Variants in MFHAS1 observed in about 807,000 individuals in gnomAD.
MFHAS1 encodes malignant fibrous histiocytoma-amplified sequence 1.
In MFHAS1, 50 loss-of-function variants were observed where a neutral mutation model predicts 70.4. That is an observed-to-expected ratio of 0.71 (90% CI 0.57 to 0.90). The LOEUF is 0.90. Among genes scored for constraint, MFHAS1 ranks in the 40% least tolerant of loss-of-function variants. The pLI, the probability that MFHAS1 is intolerant of heterozygous loss-of-function variation, is 0.00. For synonymous variants in MFHAS1, 952 were observed against 620.0 expected, an observed-to-expected ratio of 1.54 and a Z score of -7.96; for missense variants, 1,795 against 1,347.6, an observed-to-expected ratio of 1.33 and a Z score of -5.20.
At chr8:8,799,218 A>C (rs1037355379) in intron 1 of MFHAS1, among the ~76,000 whole-genome samples, 1 of 152,182 alleles carries the variant, frequency 6.6e-6, no homozygotes, top group Non-Finnish European at 1.5e-5. Flanking sequence ...ACCTATGATA[A>C]AGTTTAATTT....
At chr8:8,856,612 T>C (rs146479359) in intron 1 of MFHAS1, among the ~76,000 whole-genome samples, 38 of 152,290 alleles carry the variant, frequency 2.5e-4, no homozygotes, top group African/African-American at 8.7e-4. Context: ...CTTAATAGTA[T>C]TTTACTTGCA....
Position 8,783,824 on chromosome 8 carries a change from G to T in MFHAS1, c.*2198C>A, listed in dbSNP as rs999474708. The T allele has an allele frequency of 6.6e-6, 1 of 152,138 alleles. No homozygotes were observed. The highest frequency in any genetic ancestry group is 1.5e-5 in the Non-Finnish European group (1 of 68,028). 9.4% of individuals were successfully genotyped at this position (152,138 alleles called of 1,614,324 possible). ...GCATAGACAGCTGAAGAGTCCTGTA[G>T]AGCAGAGTGATTTTTGTATCTCCAA... is the stretch of plus-strand genomic sequence containing the variant. On this transcript the variant is annotated 3_prime_UTR_variant, in exon 3 of 3. Coordinates refer to ENST00000276282, the MANE Select transcript of MFHAS1 (RefSeq NM_004225.3).
intron 1 of MFHAS1, among the ~76,000 whole-genome samples, chr8:8,858,389 G>A (rs1301464937): frequency 2.0e-5 from 3 of 151,900 alleles, no homozygotes; most frequent in African/African-American, 4.8e-5. Context: ...TCTAATAAAT[G>A]AAAGAAAATT....
chr8:8,799,656 T>C (rs1806019677), intron 1 of MFHAS1, among the ~76,000 whole-genome samples: 1 of 152,176 alleles, frequency 6.6e-6, no homozygotes, highest in Non-Finnish European at 1.5e-5. Flanking sequence ...TTCGGGAGGC[T>C]GAGGCATGAG....
At chr8:8,799,347 A>T (rs1379849890) in intron 1 of MFHAS1, among the ~76,000 whole-genome samples, 1 of 152,216 alleles carries the variant, frequency 6.6e-6, no homozygotes, top group Non-Finnish European at 1.5e-5. Flanking sequence ...CTGCATTCAC[A>T]TGTATTTGGA....
chr8:8,794,536 G>A (rs756997053), intron 2 of MFHAS1, among the ~76,000 whole-genome samples: 17 of 152,260 alleles, frequency 1.1e-4, no homozygotes, highest in South Asian at 6.2e-4. Flanking sequence ...TGGGCAGCTC[G>A]AGCACAGGCT....
chr8:8,873,471 C>T (rs551192715), intron 1 of MFHAS1, among the ~76,000 whole-genome samples: 147 of 110,212 alleles, frequency 1.3e-3, no homozygotes, highest in African/African-American at 4.0e-3. Context: ...GATTTAATTG[C>T]TTACTTTTTT....
At chr8:8,888,498 A>C (rs1809856217) in intron 1 of MFHAS1, among the ~76,000 whole-genome samples, 2 of 150,618 alleles carry the variant, frequency 1.3e-5, no homozygotes, top group East Asian at 3.9e-4. Flanking sequence ...CACCTGCTCC[A>C]CAAAAAAACA....
intron 1 of MFHAS1, among the ~76,000 whole-genome samples, chr8:8,802,094 T>G (rs142876665): frequency 9.8e-5 from 15 of 152,336 alleles, no homozygotes; most frequent in Non-Finnish European, 1.8e-4. Flanking sequence ...GCAACTGACA[T>G]TGAGCGAGCA....
chr8:8,863,025 A>C (rs1034071015), intron 1 of MFHAS1, among the ~76,000 whole-genome samples: 3 of 152,206 alleles, frequency 2.0e-5, no homozygotes, highest in Non-Finnish European at 4.4e-5. Context: ...ATTTGTGTAT[A>C]TAGTACAAGG....
chr8:8,813,336 G>A (rs1476307422), intron 1 of MFHAS1, among the ~76,000 whole-genome samples: 1 of 152,078 alleles, frequency 6.6e-6, no homozygotes, highest in African/African-American at 2.4e-5. Context: ...ATTCTTTTAG[G>A]GTGTACTCCT....
At chr8:8,828,005 G>A (rs997188949) in intron 1 of MFHAS1, among the ~76,000 whole-genome samples, 1 of 151,912 alleles carries the variant, frequency 6.6e-6, no homozygotes, top group African/African-American at 2.4e-5. Context: ...CTCTTCAGCT[G>A]TCCTAAACCA....
intron 1 of MFHAS1, among the ~76,000 whole-genome samples, chr8:8,815,512 A>G (rs1806708744): frequency 6.6e-6 from 1 of 152,204 alleles, no homozygotes; most frequent in South Asian, 2.1e-4. Context: ...ATTTCTCCAC[A>G]GCTTCGCCAG....
At chr8:8,810,409 C>A (rs1014972749) in intron 1 of MFHAS1, among the ~76,000 whole-genome samples, 7 of 152,160 alleles carry the variant, frequency 4.6e-5, no homozygotes, top group Non-Finnish European at 8.8e-5. Flanking sequence ...AACTCCTGAA[C>A]AACAAAGGTT....
chr8:8,838,727 C>T (rs1189399795), intron 1 of MFHAS1, among the ~76,000 whole-genome samples: 3 of 150,720 alleles, frequency 2.0e-5, no homozygotes, highest in African/African-American at 7.3e-5. Context: ...GCAGGAGAAT[C>T]GGTTGAACTG....
intron 1 of MFHAS1, among the ~76,000 whole-genome samples, chr8:8,872,118 T>C (rs529011097): frequency 6.6e-5 from 10 of 152,340 alleles, no homozygotes; most frequent in Non-Finnish European, 1.5e-4. Flanking sequence ...AACATAAGCT[T>C]CTGGGTCCAT....
At chr8:8,787,586 A>T (rs1224764631) in intron 2 of MFHAS1, among the ~76,000 whole-genome samples, 1 of 152,224 alleles carries the variant, frequency 6.6e-6, no homozygotes, top group Admixed American at 6.5e-5. Flanking sequence ...GCCTATTAAT[A>T]TAGTAAACTC....
intron 1 of MFHAS1, among the ~76,000 whole-genome samples, chr8:8,845,666 G>T (rs1048140441): frequency 2.6e-5 from 4 of 152,082 alleles, no homozygotes; most frequent in African/African-American, 4.8e-5. Context: ...TAAGCTTAGT[G>T]TTATACTCTG....
chr8:8,816,678 A>G (rs73184206), intron 1 of MFHAS1, among the ~76,000 whole-genome samples: 7,841 of 152,316 alleles, frequency 0.051, 273 homozygotes, highest in Non-Finnish European at 0.075. Flanking sequence ...TCATATTAAT[A>G]ATACTAGATG....
Sources: gnomAD v4.1 joint callset for allele counts (sites outside exome capture counted in the v4.1 genomes callset) on GRCh38, gnomAD v4.1.1 for gene constraint, MANE v1.5 for transcripts, NCBI Gene and HGNC (gene_info 2026-07-23, HGNC 2026-07-21) for gene names.